The following MKLN1 variants were observed in gnomAD, a reference collection of about 807,000 sequenced individuals.
MKLN1 encodes muskelin.
MKLN1 carries 18 observed loss-of-function variants against 99.0 expected under a neutral mutation model. The ratio of observed to expected loss-of-function variants is 0.18; its 90% confidence interval spans 0.13 to 0.27. The LOEUF is 0.27. Among genes scored for constraint, MKLN1 ranks in the 10% least tolerant of loss-of-function variants. MKLN1 has a pLI of 1.00. For missense variants in MKLN1, 621 were observed against 875.9 expected (o/e 0.71, Z 3.67); for synonymous variants, 288 against 293.2 (o/e 0.98, Z 0.18).
chr7:131,197,606 T>C (rs1056111214), intron 2 of MKLN1, among the ~76,000 whole-genome samples: 4 of 151,808 alleles, frequency 2.6e-5, no homozygotes, highest in Non-Finnish European at 5.9e-5. Context: ...TTCCTTTAAA[T>C]GGATGCTCTC....
intron 3 of MKLN1, among the ~76,000 whole-genome samples, chr7:131,262,553 T>C (rs550388540): frequency 6.6e-6 from 1 of 152,172 alleles, no homozygotes; most frequent in African/African-American, 2.4e-5. Flanking sequence ...TTTTCTTTTC[T>C]TTTCTTTTCT....
At chr7:131,341,374 A>G (rs981932035) in intron 1 of MKLN1, among the ~76,000 whole-genome samples, 16 of 152,292 alleles carry the variant, frequency 1.1e-4, no homozygotes, top group African/African-American at 3.6e-4. Flanking sequence ...CTGAGCAACC[A>G]CTAAACTACT....
At chr7:131,436,486 A>G (rs1365805861) in intron 9 of MKLN1, among the ~76,000 whole-genome samples, 1 of 152,200 alleles carries the variant, frequency 6.6e-6, no homozygotes, top group Non-Finnish European at 1.5e-5. Flanking sequence ...TTTCTTCTAG[A>G]AAAAATAATC....
At chr7:131,337,926 A>G (rs1216193601) in intron 1 of MKLN1, among the ~76,000 whole-genome samples, 6 of 152,126 alleles carry the variant, frequency 3.9e-5, no homozygotes, top group African/African-American at 9.7e-5. Flanking sequence ...TAGGATTCAC[A>G]TGTCTTCAGA....
chr7:131,345,460 A>G (rs549154277), intron 1 of MKLN1, among the ~76,000 whole-genome samples: 2 of 152,306 alleles, frequency 1.3e-5, no homozygotes, highest in African/African-American at 4.8e-5. Flanking sequence ...AAATTCCTTC[A>G]GCTCCCTTGT....
intron 17 of MKLN1, among the ~76,000 whole-genome samples, chr7:131,479,389 G>T (rs994604746): frequency 4.6e-5 from 7 of 152,086 alleles, no homozygotes; most frequent in African/African-American, 1.7e-4. Flanking sequence ...AATTAGCCAG[G>T]TGTAGTGGTG....
At position 131,317,608 on chromosome 7, in the gene MKLN1, T is replaced by A. The variant is rs907655460; in HGVS notation, c.-178-57816T>A. On this transcript the variant is annotated intron_variant, in intron 3 of 7. Transcript: ENST00000416992. ...AGGATCAAATTCACATATAATAATA[T>A]TAACATTAAATGTAAATAGGCTGAA... 5.3e-5 allele frequency among the ~76,000 whole-genome samples: 8 copies of A among 150,346 alleles called. 1 individual carries two copies. The highest frequency in any genetic ancestry group is 4.7e-4 in the Admixed American group (7 of 15,012).
At chr7:131,297,432 TACAC>T (rs1157072719) in intron 3 of MKLN1, among the ~76,000 whole-genome samples, 10 of 150,232 alleles carry the variant, frequency 6.7e-5, no homozygotes, top group African/African-American at 2.2e-4. Context: ...TGTGTGTACA[TACAC>T]ACACACACAC....
In MKLN1 at chr7:131,466,904, T is replaced by TACACAC. The variant is rs907079191; in HGVS notation, c.1928+504_1928+509dup. ...TCAAACATTTTCATATATATACATA[T>TACACAC]ACACACACACACACACACACGCGCG... On this transcript the variant is annotated intron_variant, in intron 15 of 17. Transcript: ENST00000352689. 1.5e-3 allele frequency among the ~76,000 whole-genome samples: 228 copies of TACACAC among 150,784 alleles called. 3 individuals are homozygous for TACACAC. Among genetic ancestry groups the TACACAC allele is most frequent in the African/African-American group, 4.9e-3 (199 of 41,010 alleles).
At chr7:131,137,864 T>C (rs988849948) in intron 1 of MKLN1, among the ~76,000 whole-genome samples, 2 of 151,834 alleles carry the variant, frequency 1.3e-5, no homozygotes, top group Non-Finnish European at 2.9e-5. Flanking sequence ...TGTGAGCCAC[T>C]GCACCCGGCC....
rs1794871878 is a variant in MKLN1, at chr7:131,411,452, T to A, written c.781+69T>A. The A allele has an allele frequency of 1.2e-5, 13 of 1,058,728 alleles. No homozygotes were observed. In the East Asian group the frequency reaches 3.1e-4, roughly 25 times the overall value. The allele number at this position is 1,058,728 out of a possible 1,614,324, so 65.6% of individuals were successfully genotyped here. On this transcript the variant is annotated intron_variant, in intron 7 of 17. Coordinates refer to ENST00000352689, the MANE Select transcript of MKLN1 (RefSeq NM_013255.5). Reference sequence around the variant, plus strand: ...TCAGTCTTCAGTTTTCCCAAGGTAGTTCAAGTATCATAGTACTAAGTTAAT... The same window carrying A: ...TCAGTCTTCAGTTTTCCCAAGGTAGATCAAGTATCATAGTACTAAGTTAAT...
At chr7:131,403,524 C>G (rs530736241) in intron 6 of MKLN1, among the ~76,000 whole-genome samples, 68 of 152,190 alleles carry the variant, frequency 4.5e-4, no homozygotes, top group Non-Finnish European at 1.3e-4. Context: ...AACTTTAGTG[C>G]AAGAGGTCAA....
At chr7:131,275,369 T>G (rs1264451676) in intron 3 of MKLN1, among the ~76,000 whole-genome samples, 1 of 134,768 alleles carries the variant, frequency 7.4e-6, no homozygotes, top group Non-Finnish European at 1.6e-5. Flanking sequence ...TTGTTGGTTT[T>G]TTTTTTTTTT....
intron 2 of MKLN1, among the ~76,000 whole-genome samples, chr7:131,173,741 A>G (rs929941329): frequency 6.6e-6 from 1 of 152,140 alleles, no homozygotes; most frequent in East Asian, 1.9e-4. Context: ...ACACACACAC[A>G]GAGAAACATA....
At chr7:131,459,515 G>T (rs1386846303) in intron 12 of MKLN1, among the ~76,000 whole-genome samples, 1 of 152,164 alleles carries the variant, frequency 6.6e-6, no homozygotes, top group Non-Finnish European at 1.5e-5. Flanking sequence ...TTCTGAAGCT[G>T]TTCTGAGGCC....
At chr7:131,186,483 G>T (rs778063888) in intron 2 of MKLN1, among the ~76,000 whole-genome samples, 4 of 152,126 alleles carry the variant, frequency 2.6e-5, no homozygotes, top group Non-Finnish European at 1.5e-5. Context: ...CCTCTGGGCT[G>T]GGAGATAGTT....
intron 1 of MKLN1, among the ~76,000 whole-genome samples, chr7:131,124,563 G>A (rs1795425022): frequency 6.6e-6 from 1 of 152,132 alleles, no homozygotes; most frequent in African/African-American, 2.4e-5. Context: ...CCACCATTGT[G>A]CTTCCTTTCA....
At chr7:131,354,677 A>G (rs924473320) in intron 1 of MKLN1, among the ~76,000 whole-genome samples, 5 of 152,096 alleles carry the variant, frequency 3.3e-5, no homozygotes, top group Admixed American at 6.5e-5. Flanking sequence ...GTGTCTTCTC[A>G]GTGACAGGAT....
At chr7:131,408,791 A>C (rs965301111) in intron 6 of MKLN1, among the ~76,000 whole-genome samples, 2 of 152,130 alleles carry the variant, frequency 1.3e-5, no homozygotes, top group Non-Finnish European at 2.9e-5. Context: ...AGTATCCACT[A>C]TTATTGGAGA....
Sources: gnomAD v4.1 joint callset for allele counts (sites outside exome capture counted in the v4.1 genomes callset) on GRCh38, gnomAD v4.1.1 for gene constraint, MANE v1.5 for transcripts, NCBI Gene and HGNC (gene_info 2026-07-23, HGNC 2026-07-21) for gene names.